KCTD6: variants seen among roughly 807,000 people sequenced by gnomAD.
KCTD6 encodes the protein BTB/POZ domain-containing protein KCTD6.
In KCTD6, 6 loss-of-function variants were observed where a neutral mutation model predicts 18.7. The observed-to-expected ratio is 0.32, with a 90% confidence interval of 0.18 to 0.63. The LOEUF (loss-of-function observed/expected upper bound fraction) is 0.63, where lower values mean the gene tolerates loss of function less well. KCTD6 is among the 30% of genes least tolerant of loss of function. KCTD6 has a pLI of 0.79. For missense variants in KCTD6, 165 were observed against 300.2 expected, an observed-to-expected ratio of 0.55 and a Z score of 3.33; for synonymous variants, 86 against 108.5, an observed-to-expected ratio of 0.79 and a Z score of 1.29.
chr3:58,501,623 AGAC>A lies in KCTD6; in HGVS notation c.709_711del (p.Asp237del). ...CTTTCTGTAGGCTAGCCCGGAAGACAGACGACTGATCTCCGACCCTGCCACAGG... is the reference window on the plus strand; with the variant it reads ...CTTTCTGTAGGCTAGCCCGGAAGACAGACTGATCTCCGACCCTGCCACAGG... On this transcript the variant is annotated inframe_deletion, in exon 3 of 3. Coordinates refer to ENST00000404589, the MANE Select transcript of KCTD6 (RefSeq NM_001128214.2). The surrounding 1 kb of genome is among the most constrained non-coding windows in gnomAD (Gnocchi z 9.7). 2.2e-6 allele frequency: 3 copies of A among 1,334,414 alleles called. No homozygotes were observed. Among genetic ancestry groups the A allele is most frequent in the Non-Finnish European group, 2.9e-6 (3 of 1,035,030 alleles). The allele number at this position is 1,334,414 out of a possible 1,614,324, so 82.7% of individuals were successfully genotyped here.
At chr3:58,495,053 C>G (rs2107973606) in intron 1 of KCTD6, among the ~76,000 whole-genome samples, 1 of 152,300 alleles carries the variant, frequency 6.6e-6, no homozygotes, top group Middle Eastern at 3.4e-3. Flanking sequence ...AATTTTATAG[C>G]TGTTTGTGCT....
Position 58,496,696 on chromosome 3 carries a change from T to G in KCTD6, c.-43-2017T>G, listed in dbSNP as rs189995993. Among the ~76,000 whole-genome samples, 17 of 152,350 alleles carry G rather than the reference T, an allele frequency of 1.1e-4. No homozygotes were observed. The highest frequency in any genetic ancestry group is 2.9e-5 in the Non-Finnish European group (2 of 68,032). On this transcript the variant is annotated intron_variant, in intron 1 of 2. Transcript: ENST00000404589. This position sits in a 1 kb window ranked among gnomAD's most constrained non-coding sequence, Gnocchi z 5.1. ...TTATACAGCACTTTGAATTCTGTTC[T>G]GTACTTCAGTCATTGCATGTTGCCT...
At position 58,501,238 on chromosome 3, in the gene KCTD6, A is replaced by G. The variant is rs1240884918; in HGVS notation, c.320A>G (p.Asp107Gly). 6.2e-7 allele frequency: 1 copy of G among 1,614,168 alleles called. No individual in the cohort carries two copies. Among genetic ancestry groups the G allele is most frequent in the Non-Finnish European group, 8.5e-7 (1 of 1,180,024 alleles). Residue 107 changes from aspartate to glycine, a missense_variant, in exon 3 of 3, where the codon GAT (aspartate) becomes GGT (glycine). Asp to Gly is a moderately conservative substitution (Grantham distance 94). Transcript: ENST00000404589. This position sits in a 1 kb window ranked among gnomAD's most constrained non-coding sequence, Gnocchi z 9.7. The stretch of plus-strand genomic sequence containing the variant: ...GAGCCCTTGATTCAGTGTCTCAATG[A>G]TCCTAAGCCTTTGTATCCCATGGAT... ...QIEPLIQCLNDPKPLYPMDTF... is the reference protein window; with the variant it reads ...QIEPLIQCLNGPKPLYPMDTF...
Position 58,498,534 on chromosome 3 carries a change from T to C in KCTD6, c.-43-179T>C. The C allele has an allele frequency of 7.2e-6, 4 of 551,778 alleles. No homozygotes were observed. Among genetic ancestry groups the C allele is most frequent in the Non-Finnish European group, 3.1e-6 (1 of 317,912 alleles). 34.2% of individuals were successfully genotyped at this position (551,778 alleles called of 1,614,324 possible). A position where few individuals can be genotyped will look rare whatever the true frequency, so the allele number is the denominator to read the frequency against. ...TTCTCTATGGTAAGAATACAGGACA[T>C]GTAGAAGGCCCTAGGGGAATGCTTT... On this transcript the variant is annotated intron_variant, in intron 1 of 2. Coordinates refer to ENST00000404589, the MANE Select transcript of KCTD6 (RefSeq NM_001128214.2). This position sits in a 1 kb window ranked among gnomAD's most constrained non-coding sequence, Gnocchi z 4.6.
rs1309075713 is a variant in KCTD6, at chr3:58,496,049, A to G, written c.-43-2664A>G. Among the ~76,000 whole-genome samples the G allele has an allele frequency of 6.6e-6, 1 of 151,960 alleles. No homozygotes were observed. The highest frequency in any genetic ancestry group is 1.5e-5 in the Non-Finnish European group (1 of 67,998). ...TTCTCATTTAATCATTTGGATATTC[A>G]CGGATTGGAGTTCTTTATGTCACTA... On this transcript the variant is annotated intron_variant, in intron 1 of 2. Coordinates refer to ENST00000404589, the MANE Select transcript of KCTD6 (RefSeq NM_001128214.2). The surrounding 1 kb of genome is among the most constrained non-coding windows in gnomAD (Gnocchi z 5.1).
In KCTD6 at chr3:58,498,957, G is replaced by A. The variant is rs1042735220; in HGVS notation, c.27+175G>A. ...TTTTGGAGGCGTTTTTGTCTTGTGTGGTGTTTTTTAAATTTTTATTTAATT... is the reference window on the plus strand; with the variant it reads ...TTTTGGAGGCGTTTTTGTCTTGTGTAGTGTTTTTTAAATTTTTATTTAATT... On this transcript the variant is annotated intron_variant, in intron 2 of 2. Coordinates refer to ENST00000404589, the MANE Select transcript of KCTD6 (RefSeq NM_001128214.2). This position sits in a 1 kb window ranked among gnomAD's most constrained non-coding sequence, Gnocchi z 4.6. Among the ~76,000 whole-genome samples the A allele has an allele frequency of 2.6e-5, 4 of 151,948 alleles. No homozygotes were observed. The highest frequency in any genetic ancestry group is 9.7e-5 in the African/African-American group (4 of 41,386).
At chr3:58,495,119 A>G (rs929602561) in intron 1 of KCTD6, among the ~76,000 whole-genome samples, 2 of 152,242 alleles carry the variant, frequency 1.3e-5, no homozygotes, top group East Asian at 3.8e-4. Context: ...GAAAGTCACT[A>G]TAAAGGAAAA....
rs1388249525 is a variant in KCTD6 at position 58,496,246 on chromosome 3, TA to T, written c.-43-2466del. ...GATGGATAGGGTTAATAGATGGCTA[TA>T]GAGAGTTTAAAGTTAAGCTTTTTCA... On this transcript the variant is annotated intron_variant, in intron 1 of 2. Coordinates refer to ENST00000404589, the MANE Select transcript of KCTD6 (RefSeq NM_001128214.2). This position sits in a 1 kb window ranked among gnomAD's most constrained non-coding sequence, Gnocchi z 5.1. Among the ~76,000 whole-genome samples, 1 of 152,186 alleles carries T rather than the reference TA, an allele frequency of 6.6e-6. No individual in the cohort carries two copies. Among genetic ancestry groups the T allele is most frequent in the Non-Finnish European group, 1.5e-5 (1 of 68,032 alleles).
At position 58,498,801 on chromosome 3, in the gene KCTD6, T is replaced by C. The variant is rs2063191202; in HGVS notation, c.27+19T>C. On this transcript the variant is annotated intron_variant, in intron 2 of 2. Coordinates refer to ENST00000404589, the MANE Select transcript of KCTD6 (RefSeq NM_001128214.2). This position sits in a 1 kb window ranked among gnomAD's most constrained non-coding sequence, Gnocchi z 4.6. ...CTATATGGTGAGTGCTTCTTGGAGA[T>C]GCATTTTGAAGGCTGGGGAATTATT... 8.7e-6 allele frequency: 14 copies of C among 1,603,472 alleles called. No individual in the cohort carries two copies. Among genetic ancestry groups the C allele is most frequent in the Non-Finnish European group, 1.2e-5 (14 of 1,172,970 alleles).
At chr3:58,494,341 A>G (rs1309905450) in intron 1 of KCTD6, 1 of 152,188 alleles carries the variant, frequency 6.6e-6, no homozygotes, top group Non-Finnish European at 1.5e-5. Context: ...AGTTACTATA[A>G]AAAGTATTTC....
Position 58,496,628 on chromosome 3 carries a change from A to G in KCTD6, c.-43-2085A>G, listed in dbSNP as rs1294627802. 6.6e-6 allele frequency among the ~76,000 whole-genome samples: 1 copy of G among 152,140 alleles called. No homozygotes were observed. Among genetic ancestry groups the G allele is most frequent in the East Asian group, 1.9e-4 (1 of 5,196 alleles). On this transcript the variant is annotated intron_variant, in intron 1 of 2. Coordinates refer to ENST00000404589, the MANE Select transcript of KCTD6 (RefSeq NM_001128214.2). The surrounding 1 kb of genome is among the most constrained non-coding windows in gnomAD (Gnocchi z 5.1). ...CAGAAGTCCTCTATTTCCCATTTGAAATCTTGCTTTTCCCCTCTCACGGGC... is the reference window on the plus strand; with the variant it reads ...CAGAAGTCCTCTATTTCCCATTTGAGATCTTGCTTTTCCCCTCTCACGGGC...
chr3:58,500,695 C>A (rs1353420672), intron 2 of KCTD6, among the ~76,000 whole-genome samples: 1 of 152,084 alleles, frequency 6.6e-6, no homozygotes, highest in African/African-American at 2.4e-5. Context: ...AGTCAATGCC[C>A]TGTATTCTTA....
chr3:58,494,142 C>G (rs1190367351), intron 1 of KCTD6: 1 of 152,194 alleles, frequency 6.6e-6, no homozygotes, highest in Non-Finnish European at 1.5e-5. Context: ...CCTATAGCTT[C>G]TCTCTTCTAG....
chr3:58,494,869 G>C (rs1423453950), intron 1 of KCTD6, among the ~76,000 whole-genome samples: 2 of 152,118 alleles, frequency 1.3e-5, no homozygotes, highest in Non-Finnish European at 2.9e-5. Context: ...ACATGACACT[G>C]TCAGAATTTA....
chr3:58,501,163 AT>A lies in KCTD6; in HGVS notation c.249del (p.Phe83LeufsTer19). On this transcript the variant is annotated frameshift_variant, in exon 3 of 3. Coordinates refer to ENST00000404589, the MANE Select transcript of KCTD6 (RefSeq NM_001128214.2). LOFTEE classifies it high-confidence loss of function. This position sits in a 1 kb window ranked among gnomAD's most constrained non-coding sequence, Gnocchi z 9.7. ...ACTTCAGAATTGACCTTACCGTTGG[AT>A]TTTAAGGAATTTGATCTGCTTCGGA... ...LRTSELTLPL[D>X]FKEFDLLRKE... The A allele has an allele frequency of 6.2e-7, 1 of 1,614,056 alleles. No individual in the cohort carries two copies. The highest frequency in any genetic ancestry group is 8.5e-7 in the Non-Finnish European group (1 of 1,180,000).
At position 58,496,434 on chromosome 3, in the gene KCTD6, A is replaced by T. The variant is rs2063175451; in HGVS notation, c.-43-2279A>T. 6.6e-6 allele frequency among the ~76,000 whole-genome samples: 1 copy of T among 152,134 alleles called. No homozygotes were observed. Among genetic ancestry groups the T allele is most frequent in the South Asian group, 2.1e-4 (1 of 4,828 alleles). On this transcript the variant is annotated intron_variant, in intron 1 of 2. Coordinates refer to ENST00000404589, the MANE Select transcript of KCTD6 (RefSeq NM_001128214.2). This position sits in a 1 kb window ranked among gnomAD's most constrained non-coding sequence, Gnocchi z 5.1. ...AATCTGCCTTGTTTCTCTGTTTTGC[A>T]TCTTTAAGATGAGGATAGTAATCCC...
rs1443641694 is a variant in KCTD6, at chr3:58,501,426, A to T, written c.508A>T (p.Thr170Ser). Residue 170 changes from threonine (T) to serine (S), a missense_variant, in exon 3 of 3, where the codon ACC becomes TCC. Thr to Ser is a moderately conservative substitution (Grantham distance 58). Coordinates refer to ENST00000404589, the MANE Select transcript of KCTD6 (RefSeq NM_001128214.2). The surrounding 1 kb of genome is among the most constrained non-coding windows in gnomAD (Gnocchi z 9.7). The stretch of plus-strand genomic sequence containing the variant: ...CAAGTGGAATAAGCACATGATGGAC[A>T]CCAGAGACTGCCAGGTTTCCTTTAC... ...FTKWNKHMMD[T>S]RDCQVSFTFG... 1.9e-6 allele frequency: 3 copies of T among 1,553,672 alleles called. No individual in the cohort carries two copies. The East Asian group carries it at 6.8e-5, about 35-fold the overall frequency.
chr3:58,499,032 C>A (rs185955135), intron 2 of KCTD6, among the ~76,000 whole-genome samples: 2 of 151,464 alleles, frequency 1.3e-5, no homozygotes, highest in Non-Finnish European at 2.9e-5. Flanking sequence ...TGCAGTGGCG[C>A]GATCTTGGCT....
At chr3:58,495,241 G>C (rs1331575243) in intron 1 of KCTD6, among the ~76,000 whole-genome samples, 2 of 152,150 alleles carry the variant, frequency 1.3e-5, no homozygotes, top group Non-Finnish European at 2.9e-5. Context: ...TCCTTCTGCT[G>C]CCTGTCTTGT....
Sources: gnomAD v4.1 joint callset for allele counts (sites outside exome capture counted in the v4.1 genomes callset) on GRCh38, gnomAD v4.1.1 for gene constraint, Gnocchi (gnomAD v3.1) non-coding constraint, MANE v1.5 for transcripts, NCBI Gene and HGNC (gene_info 2026-07-23, HGNC 2026-07-21) for gene names.